The following SLC8A1 variants were observed in gnomAD, a reference collection of about 807,000 sequenced individuals.
SLC8A1 encodes solute carrier family 8 member A1.
Under a neutral mutation model 68.3 loss-of-function variants are expected in SLC8A1, and 18 were observed. The ratio of observed to expected loss-of-function variants is 0.26; its 90% CI spans 0.18 to 0.39. The LOEUF (loss-of-function observed/expected upper bound fraction) is 0.39. Among genes scored for constraint, SLC8A1 ranks in the 10% least tolerant of loss-of-function variants. SLC8A1 has a pLI of 1.00. For missense variants in SLC8A1, 985 were observed against 1,156.7 expected, an observed-to-expected ratio of 0.85 and a Z score of 2.15; for synonymous variants, 475 against 415.5, an observed-to-expected ratio of 1.14 and a Z score of -1.74.
intron 1 of SLC8A1, among the ~76,000 whole-genome samples, chr2:40,463,929 C>T (rs1349939054): frequency 6.6e-6 from 1 of 151,714 alleles, no homozygotes; most frequent in East Asian, 1.9e-4. Context: ...GTGTCTCGCT[C>T]TGTTTCCCAG....
At chr2:40,100,304 A>G (rs1439013523) in exon 8 of SLC8A1, 3 of 152,168 alleles carry the variant, frequency 2.0e-5, no homozygotes, top group Non-Finnish European at 4.4e-5. Context: ...GAGCCAATAC[A>G]GAAACCATGG....
chr2:40,299,932 T>G (rs114246425), intron 2 of SLC8A1, among the ~76,000 whole-genome samples: 1,776 of 152,284 alleles, frequency 0.012, 33 homozygotes, highest in African/African-American at 0.041. Context: ...CCCAAACTCC[T>G]GCATCCCATG....
At chr2:40,122,234 GCGCA>G (rs1321779671) in intron 7 of SLC8A1, among the ~76,000 whole-genome samples, 7 of 132,712 alleles carry the variant, frequency 5.3e-5, no homozygotes, top group East Asian at 2.3e-4. Flanking sequence ...ACGTGTGCGC[GCGCA>G]CACACACACA....
intron 2 of SLC8A1, among the ~76,000 whole-genome samples, chr2:40,395,806 G>A (rs182391680): frequency 2.0e-4 from 30 of 152,236 alleles, no homozygotes; most frequent in Admixed American, 5.9e-4. Context: ...TACAGAATTA[G>A]AACACAGCTG....
chr2:40,451,629 G>A (rs546851269), intron 1 of SLC8A1, among the ~76,000 whole-genome samples: 13 of 152,136 alleles, frequency 8.5e-5, no homozygotes, highest in African/African-American at 3.1e-4. Flanking sequence ...CCGGCAGCCT[G>A]CACTGGCAGG....
chr2:40,386,719 C>T (rs902955272), intron 2 of SLC8A1, among the ~76,000 whole-genome samples: 1 of 150,346 alleles, frequency 6.7e-6, no homozygotes, highest in Non-Finnish European at 1.5e-5. Context: ...TATTCATGTA[C>T]GGAAACAGAA....
chr2:40,250,417 T>A (rs1284884004), intron 2 of SLC8A1: 1 of 152,178 alleles, frequency 6.6e-6, no homozygotes, highest in Non-Finnish European at 1.5e-5. Context: ...TCCAATATTA[T>A]TAAAATTAGT....
intron 2 of SLC8A1, among the ~76,000 whole-genome samples, chr2:40,194,586 A>G (rs760136394): frequency 6.6e-6 from 1 of 151,992 alleles, no homozygotes; most frequent in South Asian, 2.1e-4. Context: ...GAGTTTTATG[A>G]TAAGAAATAG....
chr2:40,308,905 T>C (rs1167653747), intron 2 of SLC8A1, among the ~76,000 whole-genome samples: 2 of 152,186 alleles, frequency 1.3e-5, no homozygotes, highest in African/African-American at 4.8e-5. Flanking sequence ...GCATAAATCT[T>C]CCTGGGGAGG....
chr2:40,242,132 A>ATGTG (rs980579260), intron 2 of SLC8A1, among the ~76,000 whole-genome samples: 4 of 151,216 alleles, frequency 2.6e-5, no homozygotes, highest in African/African-American at 2.4e-5. Context: ...TGTGAGAAGG[A>ATGTG]TGTGTGTGTG....
intron 2 of SLC8A1, among the ~76,000 whole-genome samples, chr2:40,250,129 A>G (rs987254000): frequency 6.6e-6 from 1 of 152,242 alleles, no homozygotes; most frequent in Non-Finnish European, 1.5e-5. Context: ...TGACAAATAA[A>G]TAAAACGTGT....
intron 7 of SLC8A1, among the ~76,000 whole-genome samples, chr2:40,118,034 A>G (rs2035872533): frequency 6.6e-6 from 1 of 152,226 alleles, no homozygotes; most frequent in South Asian, 2.1e-4. Context: ...TTATTATTTC[A>G]TAATTAAAGA....
chr2:40,275,400 T>G (rs531766714), intron 2 of SLC8A1, among the ~76,000 whole-genome samples: 7 of 152,316 alleles, frequency 4.6e-5, no homozygotes, highest in African/African-American at 1.7e-4. Flanking sequence ...ACTTGAACCT[T>G]AAATGAGTAT....
chr2:40,141,314 C>G (rs1379085821), intron 6 of SLC8A1, among the ~76,000 whole-genome samples: 1 of 152,220 alleles, frequency 6.6e-6, no homozygotes, highest in Admixed American at 6.5e-5. Context: ...GGAAAAACCC[C>G]TCTCAGAAAA....
chr2:40,253,012 T>TAA (rs2063126683), intron 2 of SLC8A1, among the ~76,000 whole-genome samples: 1 of 120,486 alleles, frequency 8.3e-6, no homozygotes, highest in Admixed American at 9.3e-5. Flanking sequence ...TATATATGTA[T>TAA]CTGTATATAT....
intron 2 of SLC8A1, among the ~76,000 whole-genome samples, chr2:40,277,028 T>C (rs1169869265): frequency 1.3e-5 from 2 of 152,192 alleles, no homozygotes; most frequent in African/African-American, 2.4e-5. Context: ...AAATATGCCA[T>C]ATGTAAATTA....
At chr2:40,185,951 C>T (rs939483687) in intron 2 of SLC8A1, among the ~76,000 whole-genome samples, 1 of 152,030 alleles carries the variant, frequency 6.6e-6, no homozygotes, top group African/African-American at 2.4e-5. Flanking sequence ...GAAAGCTAAG[C>T]GCCACTGCTG....
chr2:40,492,374 C>G (rs1705375524), intron 1 of SLC8A1, among the ~76,000 whole-genome samples: 1 of 151,998 alleles, frequency 6.6e-6, no homozygotes. Flanking sequence ...AATGTTAGAC[C>G]TAAAACCATA....
chr2:40,399,255 C>T (rs752148952), intron 2 of SLC8A1, among the ~76,000 whole-genome samples: 22 of 152,138 alleles, frequency 1.4e-4, no homozygotes, highest in Middle Eastern at 3.2e-3. Context: ...AACATGCCTT[C>T]GGAAAACCAA....
Sources: gnomAD v4.1 joint callset for allele counts (sites outside exome capture counted in the v4.1 genomes callset) on GRCh38, gnomAD v4.1.1 for gene constraint, MANE v1.5 for transcripts, NCBI Gene and HGNC (gene_info 2026-07-23, HGNC 2026-07-21) for gene names.